ZFPM2: variants seen among roughly 807,000 people sequenced by gnomAD.
The protein encoded by ZFPM2 is zinc finger protein ZFPM2.
Under a neutral mutation model 98.6 loss-of-function variants are expected in ZFPM2, and 20 were observed. The ratio of observed to expected loss-of-function variants is 0.20; its 90% CI spans 0.14 to 0.29. The LOEUF (loss-of-function observed/expected upper bound fraction) is 0.29, where lower values mean the gene tolerates loss of function less well. Ranked by LOEUF, ZFPM2 falls within the 10% of genes least tolerant of loss-of-function variation. The pLI, the probability that ZFPM2 is intolerant of heterozygous loss-of-function variation, is 1.00. For synonymous variants in ZFPM2, 518 were observed against 502.7 expected (o/e 1.03, Z -0.41); for missense variants, 1,310 against 1,388.6 (o/e 0.94, Z 0.90).
At chr8:105,547,267 G>A (rs541805337) in intron 3 of ZFPM2, among the ~76,000 whole-genome samples, 287 of 152,040 alleles carry the variant, frequency 1.9e-3, no homozygotes, top group African/African-American at 6.5e-3. Flanking sequence ...TAGAGGCCAG[G>A]CCTGGTGGCT....
chr8:105,465,055 T>A (rs906468799), intron 3 of ZFPM2, among the ~76,000 whole-genome samples: 9 of 152,134 alleles, frequency 5.9e-5, no homozygotes, highest in Non-Finnish European at 1.3e-4. Context: ...TGATTTTTAT[T>A]ATTCTTGATT....
At chr8:105,574,274 A>G (rs1815416174) in intron 4 of ZFPM2, among the ~76,000 whole-genome samples, 1 of 152,224 alleles carries the variant, frequency 6.6e-6, no homozygotes, top group Non-Finnish European at 1.5e-5. Flanking sequence ...GTATGGACTT[A>G]GTGCATTTAT....
intron 1 of ZFPM2, among the ~76,000 whole-genome samples, chr8:105,324,822 A>G (rs536798521): frequency 6.6e-6 from 1 of 152,092 alleles, no homozygotes; most frequent in South Asian, 2.1e-4. Context: ...CTTAATGTGT[A>G]TTCAAGTTTT....
chr8:105,724,227 G>C (rs73305067), intron 5 of ZFPM2, among the ~76,000 whole-genome samples: 23,847 of 151,814 alleles, frequency 0.16, 2,224 homozygotes, highest in East Asian at 0.32. Context: ...TTCTATGCCT[G>C]CTGGCATAGT....
At chr8:105,599,117 C>T (rs887171118) in intron 4 of ZFPM2, among the ~76,000 whole-genome samples, 1 of 152,046 alleles carries the variant, frequency 6.6e-6, no homozygotes, top group African/African-American at 2.4e-5. Context: ...TGCTTCAGAA[C>T]TGAACCTAAG....
intron 4 of ZFPM2, among the ~76,000 whole-genome samples, chr8:105,564,332 ATTATT>A (rs1050122174): frequency 1.3e-5 from 2 of 151,994 alleles, no homozygotes; most frequent in African/African-American, 4.8e-5. Context: ...TAAATATCAG[ATTATT>A]TTATTTAGTT....
In ZFPM2 at chr8:105,515,911, CTTT is replaced by C. The variant is rs34183654; in HGVS notation, c.302-45431_302-45429del. On this transcript the variant is annotated intron_variant, in intron 3 of 7. Transcript: ENST00000407775. ...TTGTGCAAGAAAGAAAAAACAACTT[CTTT>C]TTTTTTTTTTTTTTTTTTTTGAGAT... Among the ~76,000 whole-genome samples the C allele has an allele frequency of 4.3e-3, 383 of 89,288 alleles. 3 individuals carry two copies. The highest frequency in any genetic ancestry group is 0.016 in the African/African-American group (335 of 21,508). 58.6% of individuals were successfully genotyped at this position (89,288 alleles called of 152,430 possible).
intron 3 of ZFPM2, among the ~76,000 whole-genome samples, chr8:105,465,889 T>C (rs1812787528): frequency 6.6e-6 from 1 of 151,986 alleles, no homozygotes. Context: ...TGACAACTTG[T>C]TAAGGGAAAA....
chr8:105,547,898 C>A (rs1383481061), intron 3 of ZFPM2, among the ~76,000 whole-genome samples: 2 of 151,886 alleles, frequency 1.3e-5, no homozygotes, highest in Admixed American at 1.3e-4. Context: ...TACAAATATC[C>A]TTTAAATGTA....
chr8:105,654,400 G>C (rs1199104894), intron 5 of ZFPM2, among the ~76,000 whole-genome samples: 1 of 152,098 alleles, frequency 6.6e-6, no homozygotes, highest in Non-Finnish European at 1.5e-5. Context: ...TAAGCTGCTG[G>C]ATGGTGTCTG....
At chr8:105,746,543 A>G (rs1812349694) in intron 5 of ZFPM2, among the ~76,000 whole-genome samples, 1 of 152,102 alleles carries the variant, frequency 6.6e-6, no homozygotes, top group East Asian at 1.9e-4. Context: ...CTTATAAGAA[A>G]AGCTATAAAT....
intron 1 of ZFPM2, among the ~76,000 whole-genome samples, chr8:105,364,333 A>G (rs1810468413): frequency 6.6e-6 from 1 of 152,152 alleles, no homozygotes; most frequent in Non-Finnish European, 1.5e-5. Context: ...AAATAGGGCA[A>G]TTAAAAAAAT....
At chr8:105,358,152 G>A (rs1240461971) in intron 1 of ZFPM2, among the ~76,000 whole-genome samples, 1 of 152,042 alleles carries the variant, frequency 6.6e-6, no homozygotes, top group Admixed American at 6.6e-5. Flanking sequence ...ATCACCCCTG[G>A]AGATAATTGG....
chr8:105,393,337 CCTTTCTTTCTTTCTTTCTTTCTTTCTTT>C (rs1196120373), intron 1 of ZFPM2, among the ~76,000 whole-genome samples: 1 of 114,776 alleles, frequency 8.7e-6, no homozygotes, highest in Non-Finnish European at 1.8e-5. Context: ...TCTCTCTTTG[CCTTTCTTTCTTTCTTTCTTTCTTTCTTT>C]CTTTCTTTCT....
At chr8:105,693,039 A>G (rs1810925765) in intron 5 of ZFPM2, among the ~76,000 whole-genome samples, 1 of 152,246 alleles carries the variant, frequency 6.6e-6, no homozygotes, top group Non-Finnish European at 1.5e-5. Flanking sequence ...TGGGCAGAGC[A>G]TGACATGAGA....
chr8:105,468,064 CTT>C (rs951546669), intron 3 of ZFPM2, among the ~76,000 whole-genome samples: 1 of 151,950 alleles, frequency 6.6e-6, no homozygotes, highest in African/African-American at 2.4e-5. Flanking sequence ...GTTGGCCTCT[CTT>C]ATCACTTCTC....
At chr8:105,728,898 G>T (rs964728455) in intron 5 of ZFPM2, among the ~76,000 whole-genome samples, 1 of 151,640 alleles carries the variant, frequency 6.6e-6, no homozygotes, top group Non-Finnish European at 1.5e-5. Context: ...GGGACACTGT[G>T]CTAGATGCTT....
At chr8:105,329,634 T>C (rs1454838457) in intron 1 of ZFPM2, among the ~76,000 whole-genome samples, 1 of 151,810 alleles carries the variant, frequency 6.6e-6, no homozygotes, top group Non-Finnish European at 1.5e-5. Flanking sequence ...TGAAGAAATA[T>C]AGGTTTTCTG....
intron 1 of ZFPM2, among the ~76,000 whole-genome samples, chr8:105,385,905 C>T (rs1044682409): frequency 6.6e-6 from 1 of 152,122 alleles, no homozygotes; most frequent in African/African-American, 2.4e-5. Flanking sequence ...TATATGGGTT[C>T]TGAGGTCAGA....
Sources: gnomAD v4.1 joint callset for allele counts (sites outside exome capture counted in the v4.1 genomes callset) on GRCh38, gnomAD v4.1.1 for gene constraint, MANE v1.5 for transcripts, NCBI Gene and HGNC (gene_info 2026-07-23, HGNC 2026-07-21) for gene names.